The following CUX2 variants were observed in gnomAD, a reference collection of about 807,000 sequenced individuals.
CUX2 encodes cut like homeobox 2.
In CUX2, 40 loss-of-function variants were observed where a neutral mutation model predicts 144.8. The ratio of observed to expected loss-of-function variants is 0.28; its 90% CI spans 0.21 to 0.36. The LOEUF is 0.36. Among genes scored for constraint, CUX2 ranks in the 10% least tolerant of loss-of-function variants. CUX2 has a pLI of 1.00. For missense variants in CUX2, 1,615 were observed against 1,994.0 expected (o/e 0.81, Z 3.62); for synonymous variants, 827 against 875.6 (o/e 0.94, Z 0.98).
rs142566687 is a variant in CUX2, at chr12:111,139,843, G to A, written c.64-74357G>A. Among the ~76,000 whole-genome samples, 270 of 152,242 alleles carry A rather than the reference G, an allele frequency of 1.8e-3. 1 individual carries two copies. The highest frequency in any genetic ancestry group is 6.0e-3 in the African/African-American group (250 of 41,534). On this transcript the variant is annotated intron_variant, in intron 1 of 21. Transcript: ENST00000261726. ...TGGTGGACCCACCTTCACTCTGCCCGAGAGCCACTTGGACTTACAGGTCCA... is the reference window on the plus strand; with the variant it reads ...TGGTGGACCCACCTTCACTCTGCCCAAGAGCCACTTGGACTTACAGGTCCA...
At chr12:111,168,365 C>T (rs947287626) in intron 1 of CUX2, among the ~76,000 whole-genome samples, 2 of 152,162 alleles carry the variant, frequency 1.3e-5, no homozygotes, top group Non-Finnish European at 2.9e-5. Flanking sequence ...GTCACCTGTC[C>T]CCTGCAGATT....
At chr12:111,125,996 CAG>C (rs1875041031) in intron 1 of CUX2, among the ~76,000 whole-genome samples, 1 of 151,158 alleles carries the variant, frequency 6.6e-6, no homozygotes, top group Admixed American at 6.6e-5. Flanking sequence ...TCCAGAAAAA[CAG>C]ATTCAACACG....
At chr12:111,106,255 G>A (rs754734626) in intron 1 of CUX2, among the ~76,000 whole-genome samples, 3 of 151,824 alleles carry the variant, frequency 2.0e-5, no homozygotes, top group Non-Finnish European at 4.4e-5. Flanking sequence ...GCCTCACAGA[G>A]TGCTGGGATT....
intron 1 of CUX2, among the ~76,000 whole-genome samples, chr12:111,143,672 C>T (rs763985313): frequency 6.6e-5 from 10 of 152,350 alleles, no homozygotes; most frequent in Non-Finnish European, 1.0e-4. Flanking sequence ...GCCGACTTTC[C>T]AAGTTGGAGC....
chr12:111,280,288 C>CAAAT (rs913058559), intron 4 of CUX2, among the ~76,000 whole-genome samples: 10 of 152,114 alleles, frequency 6.6e-5, no homozygotes, highest in African/African-American at 2.2e-4. Context: ...GACTCTGTCT[C>CAAAT]AAATAAATAA....
At chr12:111,112,523 C>T (rs1026862296) in intron 1 of CUX2, among the ~76,000 whole-genome samples, 14 of 151,600 alleles carry the variant, frequency 9.2e-5, no homozygotes, top group Non-Finnish European at 1.9e-4. Context: ...TCTGTCTGGG[C>T]GTGGGGAAGG....
At chr12:111,176,330 G>C (rs1002974562) in intron 1 of CUX2, among the ~76,000 whole-genome samples, 5 of 152,152 alleles carry the variant, frequency 3.3e-5, no homozygotes, top group African/African-American at 1.2e-4. Context: ...TTACAGGTGT[G>C]AGCCACCATG....
intron 1 of CUX2, among the ~76,000 whole-genome samples, chr12:111,205,591 A>G (rs1297217238): frequency 2.6e-5 from 4 of 152,130 alleles, no homozygotes; most frequent in African/African-American, 9.7e-5. Flanking sequence ...ACTGTGTGCC[A>G]TTGGTGGTTG....
intron 4 of CUX2, among the ~76,000 whole-genome samples, chr12:111,268,506 A>G (rs1884491486): frequency 6.6e-6 from 1 of 152,028 alleles, no homozygotes; most frequent in Non-Finnish European, 1.5e-5. Context: ...CCCATGCTCC[A>G]CCCCATCCCG....
At chr12:111,211,701 C>T (rs963527361) in intron 1 of CUX2, among the ~76,000 whole-genome samples, 22 of 152,000 alleles carry the variant, frequency 1.4e-4, no homozygotes, top group African/African-American at 5.1e-4. Flanking sequence ...CTGGCTAACA[C>T]GGTGAAACCC....
chr12:111,208,252 G>A (rs1431820111), intron 1 of CUX2, among the ~76,000 whole-genome samples: 1 of 152,002 alleles, frequency 6.6e-6, no homozygotes, highest in East Asian at 1.9e-4. Context: ...AGGGGGATAT[G>A]TCTGAGTGTG....
intron 1 of CUX2, among the ~76,000 whole-genome samples, chr12:111,179,176 G>A (rs989210565): frequency 6.6e-6 from 1 of 152,164 alleles, no homozygotes; most frequent in Admixed American, 6.5e-5. Context: ...AGGACCCCTG[G>A]AAGGCCAGGA....
intron 9 of CUX2, among the ~76,000 whole-genome samples, chr12:111,302,002 G>C (rs1164281122): frequency 6.6e-6 from 1 of 152,274 alleles, no homozygotes; most frequent in East Asian, 1.9e-4. Flanking sequence ...TTCCCTAACT[G>C]TACAGAAACA....
chr12:111,136,474 A>G (rs1376383385), intron 1 of CUX2, among the ~76,000 whole-genome samples: 4 of 152,134 alleles, frequency 2.6e-5, no homozygotes, highest in Admixed American at 2.6e-4. Context: ...CTTGACAGGG[A>G]GACCCCAGCT....
chr12:111,264,660 G>T (rs768196319), intron 4 of CUX2, among the ~76,000 whole-genome samples: 1 of 152,134 alleles, frequency 6.6e-6, no homozygotes, highest in Non-Finnish European at 1.5e-5. Flanking sequence ...CAGGAGAATC[G>T]CTTGAACCCA....
intron 1 of CUX2, among the ~76,000 whole-genome samples, chr12:111,147,264 T>C (rs1330532870): frequency 6.6e-6 from 1 of 152,264 alleles, no homozygotes; most frequent in Non-Finnish European, 1.5e-5. Flanking sequence ...AGCTGGAAAT[T>C]GAACCAGTTC....
intron 1 of CUX2, among the ~76,000 whole-genome samples, chr12:111,080,516 T>TA (rs150815012): frequency 0.024 from 3,370 of 140,436 alleles, 108 homozygotes; most frequent in African/African-American, 0.077. Flanking sequence ...TCTGTCTCTC[T>TA]AAAAAAAAAA....
chr12:111,229,189 G>A (rs961574538), intron 3 of CUX2, among the ~76,000 whole-genome samples: 8 of 152,192 alleles, frequency 5.3e-5, no homozygotes, highest in African/African-American at 1.9e-4. Flanking sequence ...CCTCCACAAA[G>A]GCAAAGTACA....
intron 1 of CUX2, among the ~76,000 whole-genome samples, chr12:111,116,667 G>C (rs370102511): frequency 6.6e-6 from 1 of 152,152 alleles, no homozygotes; most frequent in Non-Finnish European, 1.5e-5. Flanking sequence ...TGGAGGACTC[G>C]ACTTTTGGAA....
Sources: allele counts gnomAD v4.1 joint callset (sites outside exome capture counted in the v4.1 genomes callset), GRCh38; gene constraint gnomAD v4.1.1; transcripts MANE v1.5; gene names NCBI Gene and HGNC (gene_info 2026-07-23, HGNC 2026-07-21).